ZNF704: variants seen among roughly 807,000 people sequenced by gnomAD.
The protein encoded by ZNF704 is glucocorticoid induced gene 1.
In ZNF704, 10 loss-of-function variants were observed where a neutral mutation model predicts 44.7. That is an observed-to-expected ratio of 0.22 (90% confidence interval 0.14 to 0.38). The LOEUF is 0.38. Ranked by LOEUF, ZNF704 falls within the 10% of genes least tolerant of loss-of-function variation. ZNF704 has a pLI of 1.00. For synonymous variants in ZNF704, 211 were observed against 207.6 expected (o/e 1.02, Z -0.14); for missense variants, 390 against 545.5 (o/e 0.71, Z 2.84).
intron 1 of ZNF704, among the ~76,000 whole-genome samples, chr8:80,827,446 T>C (rs1014449197): frequency 2.0e-5 from 3 of 152,210 alleles, no homozygotes; most frequent in African/African-American, 7.2e-5. Context: ...GGAAGAATAT[T>C]CCATGCTCAT....
At chr8:80,657,943 T>A (rs1330751430) in intron 7 of ZNF704, among the ~76,000 whole-genome samples, 1 of 152,154 alleles carries the variant, frequency 6.6e-6, no homozygotes, top group African/African-American at 2.4e-5. Flanking sequence ...ACAGTGTCCA[T>A]AGCAGAGTTT....
At chr8:80,649,475 G>A (rs951353189) in intron 7 of ZNF704, among the ~76,000 whole-genome samples, 3 of 152,150 alleles carry the variant, frequency 2.0e-5, no homozygotes, top group Admixed American at 1.3e-4. Flanking sequence ...CTAATACTGC[G>A]CTTTTCCAAC....
At chr8:80,659,436 C>G (rs767057440) in intron 7 of ZNF704, 149 bp downstream of exon 7, 68 of 683,436 alleles carry the variant, frequency 9.9e-5, no homozygotes, top group Admixed American at 1.8e-4. Context: ...GTGATATCTG[C>G]TGATGAGTTT....
chr8:80,704,411 C>T (rs1818863226), intron 2 of ZNF704, among the ~76,000 whole-genome samples: 1 of 152,248 alleles, frequency 6.6e-6, no homozygotes, highest in Admixed American at 6.5e-5. Context: ...TCCTCCATCC[C>T]TGTCTCCTGC....
intron 2 of ZNF704, among the ~76,000 whole-genome samples, chr8:80,739,760 G>C (rs1806724943): frequency 6.6e-6 from 1 of 152,034 alleles, no homozygotes; most frequent in Non-Finnish European, 1.5e-5. Flanking sequence ...ATGCTAATAG[G>C]GCTTGCTTCC....
chr8:80,747,105 T>C lies in ZNF704; in HGVS notation c.222-53998A>G, dbSNP rs538377500. Among the ~76,000 whole-genome samples the C allele has an allele frequency of 9.9e-4, 151 of 152,250 alleles. 3 individuals carry two copies. The South Asian group carries it at 0.031, about 31-fold the overall frequency. ...CTCGATCCCAATGCTTCTAGCTTTC[T>C]GCTTGAAGAAACTGGGTACTTGAAT... On this transcript the variant is annotated intron_variant, in intron 2 of 8. Transcript: ENST00000327835.
intron 2 of ZNF704, among the ~76,000 whole-genome samples, chr8:80,754,920 G>A (rs1271385932): frequency 6.6e-6 from 1 of 152,242 alleles, no homozygotes; most frequent in African/African-American, 2.4e-5. Flanking sequence ...TAAGTCTACT[G>A]AGATTTGGGG....
chr8:80,698,164 G>C (rs907840945), intron 2 of ZNF704, among the ~76,000 whole-genome samples: 2 of 152,214 alleles, frequency 1.3e-5, no homozygotes, highest in Non-Finnish European at 2.9e-5. Flanking sequence ...AAAATGAACA[G>C]TCTCTACCCT....
intron 3 of ZNF704, 139 bp from the exon 4 acceptor site, chr8:80,687,597 T>C (rs1396101707): frequency 1.4e-5 from 9 of 621,676 alleles, no homozygotes; most frequent in Non-Finnish European, 2.7e-6. Flanking sequence ...GGTATGTAAG[T>C]TTTTGTTCTA....
intron 2 of ZNF704, among the ~76,000 whole-genome samples, chr8:80,798,520 G>T (rs1807845443): frequency 6.6e-6 from 1 of 152,158 alleles, no homozygotes; most frequent in South Asian, 2.1e-4. Context: ...CTCCCAAAGT[G>T]CTGGGATTAT....
At chr8:80,744,523 T>C (rs756124490) in intron 2 of ZNF704, among the ~76,000 whole-genome samples, 123 of 152,206 alleles carry the variant, frequency 8.1e-4, no homozygotes, top group Non-Finnish European at 1.1e-3. Context: ...GCTCAGGGAC[T>C]TTCAAATCAT....
At chr8:80,738,392 A>G (rs1443310861) in intron 2 of ZNF704, among the ~76,000 whole-genome samples, 4 of 152,190 alleles carry the variant, frequency 2.6e-5, no homozygotes, top group Non-Finnish European at 4.4e-5. Flanking sequence ...GTTTTTATAG[A>G]CACATTTTAA....
rs57088738 is a variant in ZNF704, at chr8:80,756,844, T to A, written c.222-63737A>T. 3.3e-3 allele frequency among the ~76,000 whole-genome samples: 497 copies of A among 152,288 alleles called. 5 individuals are homozygous for A. The highest frequency in any genetic ancestry group is 0.022 in the East Asian group (112 of 5,186). On this transcript the variant is annotated intron_variant, in intron 2 of 8. Coordinates refer to ENST00000327835, the MANE Select transcript of ZNF704 (RefSeq NM_001033723.3). ...AAAAAATGGCGAGCAGGACACACAG[T>A]CACTGCCCTCTGCGAGCTTACAGTC...
chr8:80,641,325 G>C lies in ZNF704; in HGVS notation c.*41C>G. On this transcript the variant is annotated 3_prime_UTR_variant, in exon 9 of 9. Coordinates refer to ENST00000327835, the MANE Select transcript of ZNF704 (RefSeq NM_001033723.3). ...ACACCTGCAGTGGCAGGCCAGGGCA[G>C]GAGCGGCTCAGGGCCCTGAGCCCCT... is the stretch of plus-strand genomic sequence containing the variant. The C allele has an allele frequency of 1.5e-6, 2 of 1,337,366 alleles. No individual in the cohort carries two copies. The highest frequency in any genetic ancestry group is 2.0e-6 in the Non-Finnish European group (2 of 976,728). 82.8% of individuals were successfully genotyped at this position (1,337,366 alleles called of 1,614,324 possible).
rs1817650833 is a variant in ZNF704 at position 80,635,411 on chromosome 8, AT to A, written c.*5954del. On this transcript the variant is annotated 3_prime_UTR_variant, in exon 9 of 9. Coordinates refer to ENST00000327835, the MANE Select transcript of ZNF704 (RefSeq NM_001033723.3). ...TTTTGTTTTTTTATTTTCCTTTTTT[AT>A]TTTTTCCCTCCACTATATTTTGGAA... 6.6e-6 allele frequency: 1 copy of A among 151,494 alleles called. No homozygotes were observed. The highest frequency in any genetic ancestry group is 6.6e-5 in the Admixed American group (1 of 15,206). 9.4% of individuals were successfully genotyped at this position (151,494 alleles called of 1,614,324 possible).
In ZNF704 at chr8:80,635,916, CTTTG is replaced by C. The variant is rs1258995112; in HGVS notation, c.*5446_*5449del. On this transcript the variant is annotated 3_prime_UTR_variant, in exon 9 of 9. Coordinates refer to ENST00000327835, the MANE Select transcript of ZNF704 (RefSeq NM_001033723.3). ...ACATTTGCTTAAAAGAGACATAGCC[CTTTG>C]TTTGGTGAGCAAGAATTACTTATAA... 2 of 152,210 alleles carry C rather than the reference CTTTG, an allele frequency of 1.3e-5. No homozygotes were observed. The highest frequency in any genetic ancestry group is 1.3e-4 in the Admixed American group (2 of 15,288). The allele number at this position is 152,210 out of a possible 1,614,324, so 9.4% of individuals were successfully genotyped here.
chr8:80,700,210 G>A, intron 2 of ZNF704, among the ~76,000 whole-genome samples: 1 of 152,176 alleles, frequency 6.6e-6, no homozygotes. Flanking sequence ...AATCCTAGGA[G>A]ATATACTGAA....
In ZNF704 at chr8:80,846,401, TACACACACAC is replaced by T. The variant is rs33922681; in HGVS notation, c.-21-24796_-21-24787del. On this transcript the variant is annotated intron_variant, in intron 1 of 8. Transcript: ENST00000327835. Reference sequence around the variant, plus strand: ...CAGCTTTTTAAATACAGAGATTTCATACACACACACACACACACACACACACACGTTAATT... The same window carrying T: ...CAGCTTTTTAAATACAGAGATTTCATACACACACACACACACACGTTAATT... 6.7e-3 allele frequency among the ~76,000 whole-genome samples: 999 copies of T among 148,504 alleles called. 11 individuals carry two copies. Among genetic ancestry groups the T allele is most frequent in the African/African-American group, 0.023 (933 of 40,492 alleles).
chr8:80,680,189 T>C (rs1187408759), intron 4 of ZNF704, among the ~76,000 whole-genome samples: 1 of 152,156 alleles, frequency 6.6e-6, no homozygotes, highest in Non-Finnish European at 1.5e-5. Context: ...GAAACATGGC[T>C]GGAATTTGAA....
Sources: allele counts gnomAD v4.1 joint callset (sites outside exome capture counted in the v4.1 genomes callset), GRCh38; gene constraint gnomAD v4.1.1; transcripts MANE v1.5; gene names NCBI Gene and HGNC (gene_info 2026-07-23, HGNC 2026-07-21).